FRMD4B: variants seen among roughly 807,000 people sequenced by gnomAD.
The protein encoded by FRMD4B is FERM domain-containing protein 4B.
FRMD4B carries 74 observed loss-of-function variants against 141.5 expected under a neutral mutation model. The ratio of observed to expected loss-of-function variants is 0.52; its 90% CI spans 0.43 to 0.63. The LOEUF is 0.63. Among genes scored for constraint, FRMD4B ranks in the 30% least tolerant of loss-of-function variants. The probability of loss-of-function intolerance (pLI) is 0.00; values close to 1 mark genes in which losing one functional copy is unlikely to be tolerated. For synonymous variants in FRMD4B, 506 were observed against 467.9 expected, an observed-to-expected ratio of 1.08 and a Z score of -1.05; for missense variants, 1,366 against 1,253.4, an observed-to-expected ratio of 1.09 and a Z score of -1.36.
chr3:69,213,288 A>T (rs1252262624), intron 11 of FRMD4B, among the ~76,000 whole-genome samples: 4 of 151,204 alleles, frequency 2.6e-5, no homozygotes, highest in Non-Finnish European at 1.5e-5. Context: ...ATTGCAGAAG[A>T]CTTCTTCCCC....
chr3:69,261,766 G>A (rs972133264), intron 5 of FRMD4B, among the ~76,000 whole-genome samples: 3 of 151,620 alleles, frequency 2.0e-5, no homozygotes, highest in African/African-American at 4.8e-5. Context: ...TCCACCTCCC[G>A]GGATCAAGCA....
intron 7 of FRMD4B, among the ~76,000 whole-genome samples, chr3:69,227,611 G>C (rs4467461): frequency 6.6e-6 from 1 of 151,064 alleles, no homozygotes; most frequent in African/African-American, 2.4e-5. Flanking sequence ...GCAGTGAGCC[G>C]AGATCGCGCC....
intron 1 of FRMD4B, among the ~76,000 whole-genome samples, chr3:69,451,414 G>C (rs1705496693): frequency 6.6e-6 from 1 of 152,190 alleles, no homozygotes; most frequent in South Asian, 2.1e-4. Context: ...CTGGATCAGT[G>C]GAAGAATATA....
At position 69,182,682 on chromosome 3, in the gene FRMD4B, G is replaced by A; in HGVS notation, c.1955C>T (p.Thr652Ile). The change falls in exon 20 of 23, where the codon ACT (threonine) becomes ATT (isoleucine). Residue 652 changes from threonine (T) to isoleucine (I), a missense_variant. By Grantham distance (89) the Thr-to-Ile change is moderately conservative. Coordinates refer to ENST00000398540, the MANE Select transcript of FRMD4B (RefSeq NM_015123.3). ...TCCTCCCTGGGGCCGCCTCTCCAGAGTTTTGTAAGGGCTGCTGTGTGTGGA... is the reference window on the plus strand; with the variant it reads ...TCCTCCCTGGGGCCGCCTCTCCAGAATTTTGTAAGGGCTGCTGTGTGTGGA... ...MLSTHSSPYKTLERRPQGGRS... is the reference protein window; with the variant it reads ...MLSTHSSPYKILERRPQGGRS... 6.2e-7 allele frequency: 1 copy of A among 1,613,588 alleles called. No homozygotes were observed. The highest frequency in any genetic ancestry group is 1.1e-5 in the South Asian group (1 of 91,068).
intron 1 of FRMD4B, among the ~76,000 whole-genome samples, chr3:69,445,152 G>T (rs1422556702): frequency 6.6e-6 from 1 of 152,194 alleles, no homozygotes; most frequent in East Asian, 1.9e-4. Context: ...AGGGTTTGGA[G>T]CTTGCCCTGA....
chr3:69,352,115 C>G (rs1235582639), intron 1 of FRMD4B, among the ~76,000 whole-genome samples: 1 of 152,086 alleles, frequency 6.6e-6, no homozygotes, highest in African/African-American at 2.4e-5. Flanking sequence ...ATATATTAGG[C>G]CCTCTGCTAA....
intron 1 of FRMD4B, chr3:69,334,133 C>T (rs569666517): frequency 6.6e-6 from 1 of 152,332 alleles, no homozygotes; most frequent in African/African-American, 2.4e-5. Flanking sequence ...CAAGGAGAGG[C>T]TCCAGAAGAA....
At chr3:69,511,429 C>A (rs529960579) in intron 1 of FRMD4B, among the ~76,000 whole-genome samples, 1 of 152,030 alleles carries the variant, frequency 6.6e-6, no homozygotes, top group South Asian at 2.1e-4. Context: ...AGAGTACAGA[C>A]GGGAAGCAGC....
chr3:69,423,037 G>T (rs1026538335), intron 2 of FRMD4B, among the ~76,000 whole-genome samples: 2 of 152,136 alleles, frequency 1.3e-5, no homozygotes, highest in Non-Finnish European at 2.9e-5. Context: ...AGGACCATAA[G>T]GGCCCTTTTT....
chr3:69,387,754 T>C (rs967649581), upstream of FRMD4B, among the ~76,000 whole-genome samples: 35 of 152,236 alleles, frequency 2.3e-4, no homozygotes, highest in African/African-American at 8.4e-4. Flanking sequence ...AAAGTGCCTG[T>C]TGTTTTCAGT....
intron 2 of FRMD4B, among the ~76,000 whole-genome samples, chr3:69,392,568 G>A (rs531536592): frequency 6.6e-6 from 1 of 152,316 alleles, no homozygotes; most frequent in East Asian, 1.9e-4. Flanking sequence ...AGGGTACAAA[G>A]AAAGAGCTTG....
At chr3:69,444,167 C>A (rs1705379931) in intron 1 of FRMD4B, among the ~76,000 whole-genome samples, 1 of 152,118 alleles carries the variant, frequency 6.6e-6, no homozygotes, top group African/African-American at 2.4e-5. Flanking sequence ...CTTGAAAAAC[C>A]CTAGCGTCTT....
chr3:69,275,512 T>C (rs2093613828), intron 5 of FRMD4B, among the ~76,000 whole-genome samples: 1 of 151,456 alleles, frequency 6.6e-6, no homozygotes. Context: ...CAATCATGGC[T>C]CACTGCAGCC....
chr3:69,431,064 CA>C (rs1705170997), intron 2 of FRMD4B, among the ~76,000 whole-genome samples: 2 of 151,802 alleles, frequency 1.3e-5, no homozygotes, highest in Admixed American at 1.3e-4. Context: ...GCAAAAAATC[CA>C]AGTGGAAAAT....
intron 1 of FRMD4B, among the ~76,000 whole-genome samples, chr3:69,485,320 T>C (rs1364433361): frequency 6.6e-6 from 1 of 152,122 alleles, no homozygotes; most frequent in Non-Finnish European, 1.5e-5. Flanking sequence ...AGTGGGGCCT[T>C]TGAGGCCCCC....
intron 1 of FRMD4B, chr3:69,536,058 T>C: frequency 2.3e-6 from 1 of 428,658 alleles, no homozygotes; most frequent in South Asian, 2.1e-5. Context: ...GGTGCCTTCC[T>C]AGCCTCACCG....
chr3:69,499,904 C>G (rs1575592287), intron 1 of FRMD4B, among the ~76,000 whole-genome samples: 1 of 152,326 alleles, frequency 6.6e-6, no homozygotes, highest in Non-Finnish European at 1.5e-5. Flanking sequence ...TTGCCCATTG[C>G]TGACCTGTGT....
chr3:69,344,836 A>AG (rs1177434915), intron 1 of FRMD4B, among the ~76,000 whole-genome samples: 7 of 152,218 alleles, frequency 4.6e-5, no homozygotes, highest in Non-Finnish European at 7.3e-5. Context: ...CAAGAAAAAA[A>AG]GAAAAAACAA....
At chr3:69,501,328 A>G (rs1404788843) in intron 1 of FRMD4B, among the ~76,000 whole-genome samples, 3 of 151,762 alleles carry the variant, frequency 2.0e-5, no homozygotes, top group African/African-American at 7.3e-5. Flanking sequence ...CAGGGAAGTC[A>G]AAGATTAGAC....
Sources: gnomAD v4.1 joint callset for allele counts (sites outside exome capture counted in the v4.1 genomes callset) on GRCh38, gnomAD v4.1.1 for gene constraint, MANE v1.5 for transcripts, NCBI Gene and HGNC (gene_info 2026-07-23, HGNC 2026-07-21) for gene names.